CNBD1: variants seen among roughly 807,000 people sequenced by gnomAD.
CNBD1 encodes the protein cyclic nucleotide binding domain containing 1, also known as cyclic nucleotide-binding domain-containing protein 1.
In CNBD1, 71 loss-of-function variants were observed where a neutral mutation model predicts 54.4. The observed-to-expected ratio is 1.30, with a 90% CI of 1.08 to 1.59. The LOEUF (loss-of-function observed/expected upper bound fraction) is 1.59, where lower values mean the gene tolerates loss of function less well. CNBD1 is among the 40% of genes most tolerant of loss of function. The probability of loss-of-function intolerance (pLI) is 0.00; values close to 1 mark genes in which losing one functional copy is unlikely to be tolerated. For missense variants in CNBD1, 659 were observed against 518.0 expected (o/e 1.27, Z -2.64); for synonymous variants, 182 against 170.7 (o/e 1.07, Z -0.51).
At chr8:87,187,302 T>C (rs1318155365) in intron 4 of CNBD1, among the ~76,000 whole-genome samples, 1 of 152,052 alleles carries the variant, frequency 6.6e-6, no homozygotes, top group Non-Finnish European at 1.5e-5. Flanking sequence ...ATCTGATCCA[T>C]GTGATTTTTT....
rs200282504 is a variant in CNBD1, at chr8:87,166,887, AT to A, written c.432-39099del. On this transcript the variant is annotated intron_variant, in intron 4 of 10. Transcript: ENST00000518476. The surrounding 1 kb of genome is among the most constrained non-coding windows in gnomAD (Gnocchi z 4.3). ...AGTATAGTATGTAACTATATATTTA[AT>A]TTTTTTATTACAAAGGGAATTATAT... Among the ~76,000 whole-genome samples, 16 of 151,572 alleles carry A rather than the reference AT, an allele frequency of 1.1e-4. No homozygotes were observed. Among genetic ancestry groups the A allele is most frequent in the Non-Finnish European group, 1.9e-4 (13 of 67,904 alleles).
chr8:87,046,638 C>T (rs138631411), intron 4 of CNBD1, among the ~76,000 whole-genome samples: 4 of 152,184 alleles, frequency 2.6e-5, no homozygotes, highest in Non-Finnish European at 4.4e-5. Flanking sequence ...GTCTTTGCAT[C>T]CGCTTCATAA....
intron 10 of CNBD1, among the ~76,000 whole-genome samples, chr8:87,362,099 A>G (rs1386069158): frequency 2.0e-5 from 3 of 152,068 alleles, no homozygotes; most frequent in Non-Finnish European, 2.9e-5. Context: ...ATCTACTTCA[A>G]TGACACTCTT....
chr8:87,328,753 A>G (rs1473682520), intron 8 of CNBD1, among the ~76,000 whole-genome samples: 2 of 151,940 alleles, frequency 1.3e-5, no homozygotes, highest in African/African-American at 4.8e-5. Flanking sequence ...TTATCTTTTT[A>G]TTTATTTATG....
intron 4 of CNBD1, among the ~76,000 whole-genome samples, chr8:87,195,907 A>C (rs1813712220): frequency 1.3e-5 from 2 of 151,702 alleles, no homozygotes; most frequent in Non-Finnish European, 1.5e-5. Context: ...TTCTTCACTG[A>C]TTTCTTCCCT....
chr8:87,418,186 G>T (rs77305287), intron 2 of CNBD1, among the ~76,000 whole-genome samples: 3,446 of 151,952 alleles, frequency 0.023, 49 homozygotes, highest in Non-Finnish European at 0.033. Context: ...CTGGTATAAG[G>T]ATAGACATAT....
chr8:86,872,072 T>G (rs1242248767), intron 1 of CNBD1, among the ~76,000 whole-genome samples: 4 of 152,214 alleles, frequency 2.6e-5, no homozygotes, highest in African/African-American at 9.6e-5. Context: ...CAATCCAAGA[T>G]CATTGTTATC....
intron 4 of CNBD1, among the ~76,000 whole-genome samples, chr8:86,957,188 G>A (rs564814200): frequency 1.3e-5 from 2 of 152,268 alleles, no homozygotes; most frequent in East Asian, 1.9e-4. Flanking sequence ...CAACTTGATT[G>A]TGGTGGATAA....
At chr8:87,023,234 A>G (rs1344378510) in intron 4 of CNBD1, among the ~76,000 whole-genome samples, 1 of 152,208 alleles carries the variant, frequency 6.6e-6, no homozygotes, top group Non-Finnish European at 1.5e-5. Flanking sequence ...ATACACACAC[A>G]TTGCTGATGA....
chr8:87,110,850 T>C (rs1811647502), intron 4 of CNBD1, among the ~76,000 whole-genome samples: 1 of 152,226 alleles, frequency 6.6e-6, no homozygotes. Context: ...CTAATGGATA[T>C]GGAAAAGGAT....
At chr8:87,128,797 T>C (rs990956040) in intron 4 of CNBD1, among the ~76,000 whole-genome samples, 1 of 151,516 alleles carries the variant, frequency 6.6e-6, no homozygotes, top group Non-Finnish European at 1.5e-5. Context: ...AATTTTGCTA[T>C]GTTCAGCCGG....
chr8:87,078,599 C>T (rs1318336432), intron 4 of CNBD1, among the ~76,000 whole-genome samples: 1 of 152,148 alleles, frequency 6.6e-6, no homozygotes, highest in Admixed American at 6.5e-5. Context: ...GCTTGATTTT[C>T]TCCATTTACG....
intron 1 of CNBD1, among the ~76,000 whole-genome samples, chr8:86,882,787 T>C (rs966363621): frequency 6.6e-6 from 1 of 152,172 alleles, no homozygotes; most frequent in African/African-American, 2.4e-5. Flanking sequence ...CCATCAATGA[T>C]AGACTGGGTA....
chr8:87,222,554 T>C (rs906626949), intron 5 of CNBD1, among the ~76,000 whole-genome samples: 5 of 152,114 alleles, frequency 3.3e-5, no homozygotes, highest in Non-Finnish European at 7.4e-5. Flanking sequence ...CTCAATTTTA[T>C]AGGGCAAGGA....
rs62528142 is a variant in CNBD1 at position 87,314,404 on chromosome 8, G to A, written c.1042+27733G>A. 6.2e-3 allele frequency among the ~76,000 whole-genome samples: 946 copies of A among 151,678 alleles called. 3 individuals carry two copies. The highest frequency in any genetic ancestry group is 0.011 in the Non-Finnish European group (740 of 67,786). The stretch of plus-strand genomic sequence containing the variant: ...TTTATGGCAGCTAAAAAGGATTTGA[G>A]GACAGTTTCATCTATTTTTTGACAC... On this transcript the variant is annotated intron_variant, in intron 8 of 10. Coordinates refer to ENST00000518476, the MANE Select transcript of CNBD1 (RefSeq NM_173538.3).
intron 4 of CNBD1, among the ~76,000 whole-genome samples, chr8:87,135,682 C>G (rs1252907197): frequency 6.8e-6 from 1 of 147,960 alleles, no homozygotes; most frequent in African/African-American, 2.5e-5. Flanking sequence ...AATATATATG[C>G]AATTTAAAAT....
chr8:87,119,429 T>C (rs1436276075), intron 4 of CNBD1, among the ~76,000 whole-genome samples: 2 of 152,130 alleles, frequency 1.3e-5, no homozygotes, highest in African/African-American at 4.8e-5. Flanking sequence ...ACATTGATTT[T>C]GTATACTGCA....
intron 4 of CNBD1, among the ~76,000 whole-genome samples, chr8:87,194,400 G>A (rs1466519944): frequency 1.3e-5 from 2 of 152,176 alleles, no homozygotes; most frequent in Non-Finnish European, 2.9e-5. Context: ...GCATGTTTCA[G>A]TTGTAAAAAT....
chr8:87,270,257 A>T (rs1328001916), intron 6 of CNBD1, among the ~76,000 whole-genome samples: 5 of 151,826 alleles, frequency 3.3e-5, no homozygotes, highest in South Asian at 2.1e-4. Flanking sequence ...GAATTTAAAC[A>T]AATTTACAAG....
Sources: allele counts gnomAD v4.1 joint callset (sites outside exome capture counted in the v4.1 genomes callset), GRCh38; gene constraint gnomAD v4.1.1; non-coding constraint Gnocchi (gnomAD v3.1); transcripts MANE v1.5; gene names NCBI Gene and HGNC (gene_info 2026-07-23, HGNC 2026-07-21).